The following DHRS7B variants were observed in gnomAD, a reference collection of about 807,000 sequenced individuals.
The protein encoded by DHRS7B is peroxisomal reductase activating PPAR-gamma.
In DHRS7B, 24 loss-of-function variants were observed where a neutral mutation model predicts 26.4. The ratio of observed to expected loss-of-function variants is 0.91; its 90% CI spans 0.66 to 1.28. The LOEUF (loss-of-function observed/expected upper bound fraction) is 1.28. Ranked by LOEUF, DHRS7B falls within the 50% of genes most tolerant of loss-of-function variation. The pLI is 0.00. For missense variants in DHRS7B, 368 were observed against 419.4 expected, an observed-to-expected ratio of 0.88 and a Z score of 1.07; for synonymous variants, 142 against 166.4, an observed-to-expected ratio of 0.85 and a Z score of 1.13.
intron 1 of DHRS7B, among the ~76,000 whole-genome samples, chr17:21,163,160 C>T (rs907484409): frequency 2.0e-5 from 3 of 150,794 alleles, no homozygotes; most frequent in Non-Finnish European, 4.4e-5. Context: ...CGCGCCACTG[C>T]ACTACAGCCT....
At chr17:21,168,730 C>T (rs1974169003) in intron 1 of DHRS7B, 2 of 985,346 alleles carry the variant, frequency 2.0e-6, no homozygotes, top group South Asian at 9.4e-5. Context: ...AGACTGAATG[C>T]AGACATGCGC....
chr17:21,184,396 G>A lies in DHRS7B; in HGVS notation c.552G>A (p.Arg184=), dbSNP rs747464710. 1.9e-6 allele frequency: 3 copies of A among 1,614,190 alleles called. No individual in the cohort carries two copies. The highest frequency in any genetic ancestry group is 1.7e-6 in the Non-Finnish European group (2 of 1,180,042). ...TKALLPSMIK[R]RQGHIVAISS... ...CACTCCTGCCCTCCATGATCAAGAG[G>A]AGGCAAGGCCACATTGTCGCCATCA... Residue 184 remains arginine, a synonymous_variant, in exon 5 of 7, where the codon AGG becomes AGA. Coordinates refer to ENST00000395511, the MANE Select transcript of DHRS7B (RefSeq NM_015510.5).
intron 1 of DHRS7B, among the ~76,000 whole-genome samples, chr17:21,156,828 G>T (rs544701043): frequency 6.6e-6 from 1 of 151,302 alleles, no homozygotes; most frequent in Admixed American, 6.6e-5. Flanking sequence ...CAGGAGAATC[G>T]CTTGAACCTG....
chr17:21,174,638 G>C (rs1254949492), intron 2 of DHRS7B, among the ~76,000 whole-genome samples: 3 of 152,208 alleles, frequency 2.0e-5, no homozygotes, highest in Non-Finnish European at 2.9e-5. Flanking sequence ...AACTCAAACA[G>C]GTTTGAGGCA....
intron 3 of DHRS7B, among the ~76,000 whole-genome samples, chr17:21,181,881 T>TG (rs1974521910): frequency 6.6e-6 from 1 of 151,756 alleles, no homozygotes; most frequent in Non-Finnish European, 1.5e-5. Context: ...TATAGAATCA[T>TG]CTGCAAACAG....
At chr17:21,185,378 G>A (rs1169034184) in intron 5 of DHRS7B, among the ~76,000 whole-genome samples, 2 of 152,220 alleles carry the variant, frequency 1.3e-5, no homozygotes, top group Non-Finnish European at 2.9e-5. Flanking sequence ...GCTGTGAACT[G>A]AGAGTGTAAC....
chr17:21,140,538 A>ACACACACCC (rs972677956), intron 1 of DHRS7B, among the ~76,000 whole-genome samples: 4 of 134,852 alleles, frequency 3.0e-5, no homozygotes, highest in African/African-American at 5.6e-5. Context: ...ACACACACAC[A>ACACACACCC]CCCTGACACC....
At chr17:21,189,725 C>A (rs940079947) in intron 6 of DHRS7B, among the ~76,000 whole-genome samples, 1 of 152,218 alleles carries the variant, frequency 6.6e-6, no homozygotes, top group African/African-American at 2.4e-5. Context: ...CAGCTTTACA[C>A]CTGTTTATAC....
intron 6 of DHRS7B, 41 bp from the exon 7 acceptor site, chr17:21,190,907 G>A (rs1291712351): frequency 6.2e-7 from 1 of 1,607,152 alleles, no homozygotes; most frequent in Non-Finnish European, 8.5e-7. Flanking sequence ...AGGGACCTCT[G>A]CTTCCAAGTT....
At position 21,189,175 on chromosome 17, in the gene DHRS7B, G is replaced by A. The variant is rs1017802; in HGVS notation, c.772+312G>A. Among the ~76,000 whole-genome samples the A allele has an allele frequency of 6.0e-3, 916 of 152,178 alleles. 5 individuals carry two copies. Among genetic ancestry groups the A allele is most frequent in the Non-Finnish European group, 0.01 (687 of 68,034 alleles). ...CAGACTTCCAACTAACCCATTCGCA[G>A]ATCCCGAGTCCAAGGAGTATTATCG... On this transcript the variant is annotated intron_variant, in intron 6 of 6. Coordinates refer to ENST00000395511, the MANE Select transcript of DHRS7B (RefSeq NM_015510.5).
intron 1 of DHRS7B, chr17:21,128,985 C>G (rs1174760793): frequency 1.3e-5 from 2 of 152,112 alleles, no homozygotes; most frequent in African/African-American, 2.4e-5. Context: ...CCATGTCACT[C>G]CAGAACCTAG....
intron 1 of DHRS7B, among the ~76,000 whole-genome samples, chr17:21,152,391 G>T (rs1382981599): frequency 6.6e-6 from 1 of 152,182 alleles, no homozygotes; most frequent in East Asian, 1.9e-4. Context: ...CTGGACTCAA[G>T]CAATATGCCT....
intron 1 of DHRS7B, among the ~76,000 whole-genome samples, chr17:21,165,203 G>C (rs1374104442): frequency 6.6e-6 from 1 of 151,844 alleles, no homozygotes; most frequent in East Asian, 1.9e-4. Flanking sequence ...CTGGCTTGGT[G>C]TTTTCTCTTC....
chr17:21,154,552 C>T (rs1281218550), intron 1 of DHRS7B, among the ~76,000 whole-genome samples: 2 of 151,728 alleles, frequency 1.3e-5, no homozygotes, highest in Admixed American at 6.6e-5. Flanking sequence ...AAAAGTTTTT[C>T]GGAGAGAAAG....
chr17:21,175,454 C>T (rs1031805233), intron 2 of DHRS7B, among the ~76,000 whole-genome samples: 4 of 152,228 alleles, frequency 2.6e-5, no homozygotes, highest in African/African-American at 7.2e-5. Context: ...CTGCAAAGGC[C>T]ATTCCCTTTC....
At chr17:21,156,870 C>T (rs1045586486) in intron 1 of DHRS7B, among the ~76,000 whole-genome samples, 4 of 151,232 alleles carry the variant, frequency 2.6e-5, no homozygotes, top group African/African-American at 9.7e-5. Context: ...CTGAGATCAT[C>T]CCATTGCACC....
chr17:21,166,571 T>C (rs1269357412), intron 1 of DHRS7B: 1 of 647,764 alleles, frequency 1.5e-6, no homozygotes, highest in African/African-American at 2.0e-5. Flanking sequence ...TGACCCTGCC[T>C]TTACTTTCTG....
chr17:21,134,696 A>G (rs1973305378), intron 1 of DHRS7B, among the ~76,000 whole-genome samples: 1 of 152,000 alleles, frequency 6.6e-6, no homozygotes, highest in Non-Finnish European at 1.5e-5. Flanking sequence ...CTGTATTGCC[A>G]TAAGAATACT....
At chr17:21,158,825 T>C (rs2144043280) in intron 1 of DHRS7B, among the ~76,000 whole-genome samples, 1 of 152,270 alleles carries the variant, frequency 6.6e-6, no homozygotes, top group Admixed American at 6.5e-5. Context: ...GACAGTGATA[T>C]TGGTGAAACA....
Sources: allele counts gnomAD v4.1 joint callset (sites outside exome capture counted in the v4.1 genomes callset), GRCh38; gene constraint gnomAD v4.1.1; transcripts MANE v1.5; gene names NCBI Gene and HGNC (gene_info 2026-07-23, HGNC 2026-07-21).